The following FOXN3 variants were observed in gnomAD, a reference collection of about 807,000 sequenced individuals.
The protein encoded by FOXN3 is forkhead box protein N3.
In FOXN3, 7 loss-of-function variants were observed where a neutral mutation model predicts 38.4. The ratio of observed to expected loss-of-function variants is 0.18; its 90% CI spans 0.10 to 0.34. The LOEUF (loss-of-function observed/expected upper bound fraction) is 0.34, where lower values mean the gene tolerates loss of function less well. FOXN3 is among the 10% of genes least tolerant of loss of function. The pLI is 1.00. For synonymous variants in FOXN3, 230 were observed against 242.2 expected, an observed-to-expected ratio of 0.95 and a Z score of 0.47; for missense variants, 456 against 613.4, an observed-to-expected ratio of 0.74 and a Z score of 2.71.
At chr14:89,169,537 C>T (rs112279969) in intron 5 of FOXN3, among the ~76,000 whole-genome samples, 2,776 of 144,884 alleles carry the variant, frequency 0.019, 43 homozygotes, top group Middle Eastern at 0.07. Context: ...ACTCACAAAA[C>T]ACACACACAC....
chr14:89,378,153 T>C (rs560723935), intron 2 of FOXN3, among the ~76,000 whole-genome samples: 4 of 152,118 alleles, frequency 2.6e-5, no homozygotes, highest in South Asian at 2.1e-4. Context: ...AGGAGAAAGA[T>C]GGTTCCCCTA....
At chr14:89,198,203 T>G (rs544239896) in intron 4 of FOXN3, among the ~76,000 whole-genome samples, 1 of 152,314 alleles carries the variant, frequency 6.6e-6, no homozygotes, top group South Asian at 2.1e-4. Context: ...GCTTTTTTCT[T>G]GTCATTATTC....
rs565859124 is a variant in FOXN3, at chr14:89,195,776, G to T, written c.746-14970C>A. Among the ~76,000 whole-genome samples, 3 of 152,154 alleles carry T rather than the reference G, an allele frequency of 2.0e-5. No homozygotes were observed. The East Asian group carries it at 5.8e-4, about 29-fold the overall frequency. On this transcript the variant is annotated intron_variant, in intron 4 of 5. Transcript: ENST00000557258. ...CTCAGGGGAATGAAGTGAGACAGGG[G>T]GGTACGAGAGAACAAGCAAGTGCCA...
intron 4 of FOXN3, among the ~76,000 whole-genome samples, chr14:89,191,531 T>C (rs1887942623): frequency 6.6e-6 from 1 of 152,212 alleles, no homozygotes; most frequent in Admixed American, 6.5e-5. Flanking sequence ...TTGTCAGTTT[T>C]TGTACAAATT....
chr14:89,158,791 A>G lies in FOXN3; in HGVS notation c.*3623T>C, dbSNP rs1364588170. 1 of 152,618 alleles carries G rather than the reference A, an allele frequency of 6.6e-6. No individual in the cohort carries two copies. Among genetic ancestry groups the G allele is most frequent in the Non-Finnish European group, 1.5e-5 (1 of 68,046 alleles). 9.5% of individuals were successfully genotyped at this position (152,618 alleles called of 1,614,324 possible). On this transcript the variant is annotated 3_prime_UTR_variant, in exon 6 of 6. Coordinates refer to ENST00000557258, the MANE Select transcript of FOXN3 (RefSeq NM_005197.4). ...CCGAGGGCCAATAGCAAGTAATCGT[A>G]GACGTCGTGGTGTTGATGTGTTCAC...
chr14:89,300,437 C>T (rs920328597), intron 3 of FOXN3, among the ~76,000 whole-genome samples: 1 of 152,164 alleles, frequency 6.6e-6, no homozygotes, highest in Non-Finnish European at 1.5e-5. Context: ...CTGCCTCGGC[C>T]TCCCAGAGTG....
chr14:89,256,689 G>A (rs1179973075), intron 4 of FOXN3, among the ~76,000 whole-genome samples: 2 of 152,148 alleles, frequency 1.3e-5, no homozygotes, highest in Non-Finnish European at 2.9e-5. Flanking sequence ...CCTAATCCGT[G>A]AGAGTTTAAG....
At chr14:89,461,395 T>C (rs1457887527) in intron 1 of FOXN3, among the ~76,000 whole-genome samples, 3 of 151,604 alleles carry the variant, frequency 2.0e-5, no homozygotes, top group Non-Finnish European at 4.4e-5. Flanking sequence ...CCAGAATGTA[T>C]GCACCACCAG....
intron 3 of FOXN3, among the ~76,000 whole-genome samples, chr14:89,346,583 C>T (rs888971124): frequency 2.6e-5 from 4 of 152,154 alleles, no homozygotes; most frequent in Non-Finnish European, 4.4e-5. Flanking sequence ...TTATGATGTC[C>T]TACGAGAGGT....
chr14:89,353,050 G>C (rs1413283748), intron 2 of FOXN3, among the ~76,000 whole-genome samples: 2 of 152,190 alleles, frequency 1.3e-5, no homozygotes, highest in African/African-American at 4.8e-5. Context: ...CCCCAGGACT[G>C]TGCAGGACAT....
chr14:89,375,587 A>G (rs1028403990), intron 2 of FOXN3, among the ~76,000 whole-genome samples: 5 of 152,206 alleles, frequency 3.3e-5, no homozygotes, highest in African/African-American at 1.2e-4. Flanking sequence ...AAGCAAATAA[A>G]TGTGTTCACA....
chr14:89,274,168 T>C (rs993455361), intron 4 of FOXN3, among the ~76,000 whole-genome samples: 4 of 152,074 alleles, frequency 2.6e-5, no homozygotes, highest in Non-Finnish European at 5.9e-5. Context: ...CTGGGATTCA[T>C]TGGCCCTTAC....
intron 5 of FOXN3, among the ~76,000 whole-genome samples, chr14:89,167,138 A>G (rs1473381514): frequency 6.6e-6 from 1 of 152,246 alleles, no homozygotes; most frequent in East Asian, 1.9e-4. Context: ...ACCACGTGCT[A>G]TTCATCTCAG....
intron 1 of FOXN3, among the ~76,000 whole-genome samples, chr14:89,597,480 A>G (rs114710425): frequency 7.2e-4 from 109 of 152,302 alleles, no homozygotes; most frequent in African/African-American, 2.6e-3. Context: ...ATGTTTGTTA[A>G]TTAACTTTGT....
chr14:89,351,701 G>A (rs565007730), intron 2 of FOXN3, among the ~76,000 whole-genome samples: 22 of 152,316 alleles, frequency 1.4e-4, no homozygotes, highest in Non-Finnish European at 2.6e-4. Flanking sequence ...TGTTTGATAA[G>A]GTCATTTGTA....
intron 1 of FOXN3, among the ~76,000 whole-genome samples, chr14:89,451,943 C>T (rs868103756): frequency 1.2e-4 from 19 of 152,246 alleles, no homozygotes; most frequent in African/African-American, 3.6e-4. Context: ...ACATCTCAGC[C>T]GCCTGAGTTC....
intron 1 of FOXN3, among the ~76,000 whole-genome samples, chr14:89,588,548 G>A (rs137939052): frequency 3.7e-4 from 57 of 152,214 alleles, no homozygotes; most frequent in African/African-American, 1.1e-3. Context: ...ATCATGTTAC[G>A]TAGAGAGCTC....
chr14:89,433,283 A>G (rs1596271359), intron 1 of FOXN3, among the ~76,000 whole-genome samples: 1 of 152,190 alleles, frequency 6.6e-6, no homozygotes, highest in South Asian at 2.1e-4. Flanking sequence ...GGAGTTCAAG[A>G]CCAACCTGGC....
In FOXN3 at chr14:89,161,556, C is replaced by CGTGTGTGTGTGTGTGTGTGTGTGT. The variant is rs368359011; in HGVS notation, c.*834_*857dup. The CGTGTGTGTGTGTGTGTGTGTGTGT allele has an allele frequency of 3.1e-4, 34 of 109,376 alleles. No homozygotes were observed. The highest frequency in any genetic ancestry group is 7.4e-4 in the African/African-American group (24 of 32,506). The allele number at this position is 109,376 out of a possible 1,614,324, so 6.8% of individuals were successfully genotyped here. ...CCATCAGTTTTCTCTCTCTCTCCTT[C>CGTGTGTGTGTGTGTGTGTGTGTGT]GTGTGTGTGTGTGTGTGTGTGTGTG... On this transcript the variant is annotated 3_prime_UTR_variant, in exon 6 of 6. Coordinates refer to ENST00000557258, the MANE Select transcript of FOXN3 (RefSeq NM_005197.4).
Sources: allele counts gnomAD v4.1 joint callset (sites outside exome capture counted in the v4.1 genomes callset), GRCh38; gene constraint gnomAD v4.1.1; transcripts MANE v1.5; gene names NCBI Gene and HGNC (gene_info 2026-07-23, HGNC 2026-07-21).